LPIN1: variants seen among roughly 807,000 people sequenced by gnomAD.
LPIN1 encodes phosphatidate phosphatase LPIN1.
A neutral mutation model predicts 107.5 loss-of-function variants in LPIN1; 71 were observed. The observed-to-expected ratio is 0.66, with a 90% confidence interval of 0.55 to 0.80. LPIN1 has a LOEUF of 0.80. Among genes scored for constraint, LPIN1 ranks in the 30% least tolerant of loss-of-function variants. LPIN1 has a pLI of 0.00. For synonymous variants in LPIN1, 445 were observed against 452.6 expected (o/e 0.98, Z 0.21); for missense variants, 1,043 against 1,160.6 (o/e 0.90, Z 1.47).
At chr2:11,700,536 C>T (rs1328245175) in intron 1 of LPIN1, among the ~76,000 whole-genome samples, 1 of 152,054 alleles carries the variant, frequency 6.6e-6, no homozygotes. Flanking sequence ...ACTCTCCACC[C>T]CTATGGGCTT....
At chr2:11,696,676 G>A (rs533861410) in intron 1 of LPIN1, among the ~76,000 whole-genome samples, 158 of 152,302 alleles carry the variant, frequency 1.0e-3, no homozygotes, top group African/African-American at 3.7e-3. Flanking sequence ...GTGCTGAGGA[G>A]CGAGGTGACT....
intron 1 of LPIN1, among the ~76,000 whole-genome samples, chr2:11,696,954 T>C (rs1046047914): frequency 1.3e-5 from 2 of 152,210 alleles, no homozygotes; most frequent in African/African-American, 4.8e-5. Context: ...TGTTCTTCTT[T>C]AGAGTGGTTC....
At chr2:11,783,326 C>T (rs1296603592) in intron 8 of LPIN1, among the ~76,000 whole-genome samples, 3 of 152,142 alleles carry the variant, frequency 2.0e-5, no homozygotes, top group Non-Finnish European at 2.9e-5. Flanking sequence ...TGGTAATAGC[C>T]TCAATGCGTT....
chr2:11,802,063 G>A (rs1290119486), intron 14 of LPIN1, among the ~76,000 whole-genome samples: 1 of 152,122 alleles, frequency 6.6e-6, no homozygotes, highest in East Asian at 1.9e-4. Flanking sequence ...TGCTTTGGGG[G>A]CCACTCAGCC....
intron 3 of LPIN1, among the ~76,000 whole-genome samples, chr2:11,770,719 A>G (rs1273917705): frequency 6.6e-6 from 1 of 152,246 alleles, no homozygotes; most frequent in Non-Finnish European, 1.5e-5. Context: ...AGAGTTTTAT[A>G]AAAACTGCTG....
chr2:11,763,674 C>T (rs956684220), intron 1 of LPIN1, among the ~76,000 whole-genome samples: 1 of 152,116 alleles, frequency 6.6e-6, no homozygotes, highest in Non-Finnish European at 1.5e-5. Context: ...CCGATGGCTT[C>T]ACACAGCAGA....
At chr2:11,794,660 G>A (rs970754749) in intron 13 of LPIN1, among the ~76,000 whole-genome samples, 14 of 152,206 alleles carry the variant, frequency 9.2e-5, no homozygotes, top group East Asian at 1.9e-4. Context: ...AGATTTAGTC[G>A]TTCACCCTCG....
At chr2:11,799,170 C>A (rs918144038) in intron 14 of LPIN1, among the ~76,000 whole-genome samples, 25 of 152,132 alleles carry the variant, frequency 1.6e-4, no homozygotes, top group African/African-American at 6.0e-4. Flanking sequence ...CAGCCAACTG[C>A]GCATCTCGCA....
intron 10 of LPIN1, among the ~76,000 whole-genome samples, chr2:11,785,328 A>C (rs923475971): frequency 1.3e-5 from 2 of 152,182 alleles, no homozygotes; most frequent in African/African-American, 4.8e-5. Flanking sequence ...CACTGCAGAG[A>C]TGGCCTCCAG....
At chr2:11,782,713 T>C (rs1007128459) in intron 8 of LPIN1, among the ~76,000 whole-genome samples, 2 of 152,200 alleles carry the variant, frequency 1.3e-5, no homozygotes, top group African/African-American at 4.8e-5. Context: ...GCCTTGAGGA[T>C]CATGTAGCAA....
intron 1 of LPIN1, among the ~76,000 whole-genome samples, chr2:11,703,978 T>C (rs1261722791): frequency 6.6e-6 from 1 of 152,208 alleles, no homozygotes; most frequent in Non-Finnish European, 1.5e-5. Context: ...TTCCCTGACC[T>C]GACTGCTGCC....
chr2:11,780,365 G>T (rs900500924), intron 7 of LPIN1, among the ~76,000 whole-genome samples: 1 of 152,226 alleles, frequency 6.6e-6, no homozygotes, highest in East Asian at 1.9e-4. Flanking sequence ...TGAAAAAGAA[G>T]CTGAGTTGTA....
At chr2:11,736,301 T>G (rs758260921) in intron 1 of LPIN1, among the ~76,000 whole-genome samples, 2 of 152,218 alleles carry the variant, frequency 1.3e-5, no homozygotes, top group Non-Finnish European at 2.9e-5. Flanking sequence ...TATCTCATGG[T>G]TCTGGAGGCT....
chr2:11,700,933 G>T (rs1662839864), intron 1 of LPIN1, among the ~76,000 whole-genome samples: 1 of 152,166 alleles, frequency 6.6e-6, no homozygotes, highest in Admixed American at 6.5e-5. Context: ...TCACTGTCCT[G>T]GGCGGGATAC....
intron 17 of LPIN1, among the ~76,000 whole-genome samples, chr2:11,810,816 C>G (rs1230895545): frequency 6.6e-6 from 1 of 152,204 alleles, no homozygotes; most frequent in Non-Finnish European, 1.5e-5. Context: ...AAACTGCAGT[C>G]TAGAAGCTTG....
chr2:11,741,270 G>A, intron 1 of LPIN1: 1 of 1,003,788 alleles, frequency 1.0e-6, no homozygotes, highest in Non-Finnish European at 1.5e-6. Flanking sequence ...TAGAATGTGA[G>A]GATGGCCTGG....
chr2:11,764,034 G>T (rs1284910332), intron 1 of LPIN1, among the ~76,000 whole-genome samples: 1 of 138,998 alleles, frequency 7.2e-6, no homozygotes, highest in East Asian at 2.1e-4. Flanking sequence ...TGTCCAGCCA[G>T]AGCAAGATCC....
At chr2:11,768,681 A>C (rs1009585224) in intron 3 of LPIN1, among the ~76,000 whole-genome samples, 4 of 152,176 alleles carry the variant, frequency 2.6e-5, no homozygotes, top group Non-Finnish European at 4.4e-5. Flanking sequence ...TCACGCCTGT[A>C]ATCCCAGCAC....
intron 5 of LPIN1, among the ~76,000 whole-genome samples, chr2:11,775,018 A>G (rs1429264100): frequency 6.6e-6 from 1 of 152,174 alleles, no homozygotes; most frequent in Non-Finnish European, 1.5e-5. Context: ...TCATTTGACC[A>G]CAGTATTTCC....
Sources: gnomAD v4.1 joint callset for allele counts (sites outside exome capture counted in the v4.1 genomes callset) on GRCh38, gnomAD v4.1.1 for gene constraint, MANE v1.5 for transcripts, NCBI Gene and HGNC (gene_info 2026-07-23, HGNC 2026-07-21) for gene names.